TENM2: variants seen among roughly 807,000 people sequenced by gnomAD.
TENM2 encodes the protein teneurin transmembrane protein 2.
In TENM2, 52 loss-of-function variants were observed where a neutral mutation model predicts 245.2. That is an observed-to-expected ratio of 0.21 (90% confidence interval 0.17 to 0.27). The LOEUF (loss-of-function observed/expected upper bound fraction) is 0.27, where lower values mean the gene tolerates loss of function less well. TENM2 is among the 10% of genes least tolerant of loss of function. TENM2 has a pLI of 1.00. For missense variants in TENM2, 3,046 were observed against 3,666.8 expected (o/e 0.83, Z 4.37); for synonymous variants, 1,363 against 1,438.9 (o/e 0.95, Z 1.19).
chr5:168,115,893 C>T (rs1318871277), intron 9 of TENM2, among the ~76,000 whole-genome samples: 1 of 152,074 alleles, frequency 6.6e-6, no homozygotes, highest in Non-Finnish European at 1.5e-5. Flanking sequence ...ATGCCGTGAT[C>T]AATTAGTGAT....
chr5:168,214,664 G>A (rs1196392144), intron 20 of TENM2, among the ~76,000 whole-genome samples: 1 of 152,144 alleles, frequency 6.6e-6, no homozygotes, highest in African/African-American at 2.4e-5. Context: ...TATCCCACTT[G>A]AGAATACACT....
At chr5:167,414,554 TA>T (rs1763069222) in intron 2 of TENM2, among the ~76,000 whole-genome samples, 1 of 152,044 alleles carries the variant, frequency 6.6e-6, no homozygotes, top group African/African-American at 2.4e-5. Context: ...ATGGAGGTAG[TA>T]GGGGCCCTGG....
chr5:167,328,213 T>G (rs1446406162), intron 1 of TENM2, among the ~76,000 whole-genome samples: 1 of 148,602 alleles, frequency 6.7e-6, no homozygotes, highest in Non-Finnish European at 1.5e-5. Context: ...CGTTTTTTTT[T>G]TTTTTTTTTT....
At chr5:167,340,531 T>C (rs1023976100) in intron 1 of TENM2, among the ~76,000 whole-genome samples, 3 of 152,174 alleles carry the variant, frequency 2.0e-5, no homozygotes, top group Admixed American at 2.0e-4. Context: ...CCCTTCCTCT[T>C]CTTGTAAGGG....
intron 3 of TENM2, among the ~76,000 whole-genome samples, chr5:167,895,178 A>T (rs1466448383): frequency 6.6e-6 from 1 of 152,082 alleles, no homozygotes; most frequent in African/African-American, 2.4e-5. Context: ...TTATTTGACC[A>T]GAGAGCATTT....
chr5:167,667,320 C>T (rs1318586899), intron 2 of TENM2, among the ~76,000 whole-genome samples: 1 of 152,148 alleles, frequency 6.6e-6, no homozygotes, highest in Non-Finnish European at 1.5e-5. Flanking sequence ...TCTTCAAGCA[C>T]CTCTCTCTGC....
chr5:167,767,025 A>C (rs746699932), intron 2 of TENM2, among the ~76,000 whole-genome samples: 3 of 152,256 alleles, frequency 2.0e-5, no homozygotes, highest in Non-Finnish European at 4.4e-5. Flanking sequence ...CAATTACCAT[A>C]TGATCCAAAT....
chr5:167,763,004 T>C (rs1762781590), intron 2 of TENM2, among the ~76,000 whole-genome samples: 3 of 152,200 alleles, frequency 2.0e-5, no homozygotes, highest in Non-Finnish European at 1.5e-5. Context: ...AGCTTATAAA[T>C]TCCCAGTTCA....
intron 2 of TENM2, among the ~76,000 whole-genome samples, chr5:167,720,956 G>A (rs1305336030): frequency 1.3e-5 from 2 of 152,204 alleles, no homozygotes; most frequent in African/African-American, 4.8e-5. Context: ...AATGAAAGCT[G>A]CAGTCGTCTT....
chr5:167,285,164 CAG>C lies in TENM2; in HGVS notation c.226+103_226+104del, dbSNP rs1771262210. ...GGAGATCCAGCATGGTGGTTTTTGA[CAG>C]ATGTACCCTACAGCAGACCCTTGGT... is the stretch of plus-strand genomic sequence containing the variant. On this transcript the variant is annotated intron_variant, in intron 1 of 28. Coordinates refer to ENST00000518659, the Ensembl canonical transcript of TENM2. 6 of 839,398 alleles carry C rather than the reference CAG, an allele frequency of 7.1e-6. No homozygotes were observed. In the South Asian group the frequency reaches 7.9e-5, roughly 11 times the overall value. 52.0% of individuals were successfully genotyped at this position (839,398 alleles called of 1,614,324 possible).
chr5:168,127,115 T>G, intron 12 of TENM2, 149 bp downstream of exon 14: 1 of 710,332 alleles, frequency 1.4e-6, no homozygotes, highest in Non-Finnish European at 2.4e-6. Context: ...AAAAATGAGG[T>G]CCCTAATTGG....
chr5:167,048,848 A>G, the TENM2 span, among the ~76,000 whole-genome samples: 4 of 152,336 alleles, frequency 2.6e-5, no homozygotes, highest in Non-Finnish European at 4.4e-5. Context: ...GAGGTCTTTA[A>G]TAATTATAAG....
chr5:167,954,655 C>T lies in TENM2; in HGVS notation c.947+1833C>T, dbSNP rs185002493. Among the ~76,000 whole-genome samples the T allele has an allele frequency of 1.1e-3, 167 of 152,242 alleles. 2 individuals are homozygous for T. In the East Asian group the frequency reaches 0.029, roughly 26 times the overall value. ...TCACAGGCCCCAGTGTGTGATGTTC[C>T]CCTCCCTGTGTCCATGTGTTCTTAT... On this transcript the variant is annotated intron_variant, in intron 4 of 28. Coordinates refer to ENST00000518659, the Ensembl canonical transcript of TENM2.
At chr5:167,401,642 T>C (rs1762370605) in intron 2 of TENM2, among the ~76,000 whole-genome samples, 1 of 152,148 alleles carries the variant, frequency 6.6e-6, no homozygotes, top group South Asian at 2.1e-4. Flanking sequence ...TTGCATCAGA[T>C]TGTTGATGAT....
chr5:167,301,314 A>G (rs1351206458), intron 1 of TENM2, among the ~76,000 whole-genome samples: 1 of 152,214 alleles, frequency 6.6e-6, no homozygotes, highest in East Asian at 1.9e-4. Context: ...GGCTGCGGGC[A>G]TTCCTTGGCC....
the TENM2 span, among the ~76,000 whole-genome samples, chr5:167,023,461 T>C: frequency 6.6e-6 from 1 of 152,294 alleles, no homozygotes; most frequent in African/African-American, 2.4e-5. Flanking sequence ...TGAAAATCTT[T>C]TGAGACTCAG....
At chr5:167,685,124 AG>A (rs2150388067) in intron 2 of TENM2, among the ~76,000 whole-genome samples, 1 of 152,338 alleles carries the variant, frequency 6.6e-6, no homozygotes, top group Non-Finnish European at 1.5e-5. Context: ...CCTTTTCAGA[AG>A]GCAACTTAAA....
At chr5:168,198,496 C>G (rs1269045721) in intron 15 of TENM2, among the ~76,000 whole-genome samples, 1 of 152,124 alleles carries the variant, frequency 6.6e-6, no homozygotes, top group Non-Finnish European at 1.5e-5. Flanking sequence ...ATGCCCTGCC[C>G]AATAAAATTT....
At chr5:168,140,590 G>A (rs902381841) in intron 12 of TENM2, among the ~76,000 whole-genome samples, 5 of 152,090 alleles carry the variant, frequency 3.3e-5, no homozygotes, top group Non-Finnish European at 5.9e-5. Context: ...TACCCAGCCC[G>A]GTACATCTGC....
Sources: allele counts gnomAD v4.1 joint callset (sites outside exome capture counted in the v4.1 genomes callset), GRCh38; gene constraint gnomAD v4.1.1; transcripts MANE v1.5; gene names NCBI Gene and HGNC (gene_info 2026-07-23, HGNC 2026-07-21).